The following PAK3 variants were observed in gnomAD, a reference collection of about 807,000 sequenced individuals.
PAK3 encodes serine/threonine-protein kinase PAK 3.
A neutral mutation model predicts 41.0 loss-of-function variants in PAK3; 4 were observed. That is an observed-to-expected ratio of 0.10 (90% CI 0.05 to 0.22). The LOEUF (loss-of-function observed/expected upper bound fraction) is 0.22, where lower values mean the gene tolerates loss of function less well. Ranked by LOEUF, PAK3 falls within the 10% of genes least tolerant of loss-of-function variation. The pLI, the probability that PAK3 is intolerant of heterozygous loss-of-function variation, is 1.00. For missense variants in PAK3, 205 were observed against 409.9 expected (o/e 0.50, Z 4.32); for synonymous variants, 146 against 139.6 (o/e 1.05, Z -0.32).
At chrX:110,953,304 G>A (rs1350236910) in intron 1 of PAK3, among the ~76,000 whole-genome samples, 2 of 111,531 alleles carry the variant, frequency 1.8e-5, no homozygotes, top group East Asian at 5.6e-4. Flanking sequence ...TTAATTAGTT[G>A]TGTGACCCTG....
In PAK3 at chrX:111,010,255, G is replaced by A. The variant is rs1215086040; in HGVS notation, c.-28+65627G>A. Reference sequence around the variant, plus strand: ...TCAGGAACTGACATCATGAATAATGGCTTCTTGGGATTATGTGAGAACCAC... The same window carrying A: ...TCAGGAACTGACATCATGAATAATGACTTCTTGGGATTATGTGAGAACCAC... On this transcript the variant is annotated intron_variant, in intron 1 of 14. Transcript: ENST00000425146. 6.3e-5 allele frequency among the ~76,000 whole-genome samples: 7 copies of A among 111,843 alleles called. 1 individual carries two copies. The highest frequency in any genetic ancestry group is 5.6e-5 in the Non-Finnish European group (3 of 53,130).
At chrX:111,002,743 T>C (rs1014832316) in intron 1 of PAK3, among the ~76,000 whole-genome samples, 2 of 111,659 alleles carry the variant, frequency 1.8e-5, no homozygotes, top group Admixed American at 9.5e-5. Flanking sequence ...CACACGGTTC[T>C]CTAGAGCCAG....
chrX:110,991,784 G>T (rs2091652986), intron 1 of PAK3, among the ~76,000 whole-genome samples: 1 of 111,105 alleles, frequency 9.0e-6, no homozygotes, highest in Admixed American at 9.6e-5. Flanking sequence ...GACTGCAGGA[G>T]ATGGCATGGA....
chrX:111,123,400 C>T (rs765999822), intron 5 of PAK3, 122 bp downstream of exon 5: 51 of 550,529 alleles, frequency 9.3e-5, no homozygotes, highest in Non-Finnish European at 1.3e-4. Context: ...TTTACATCTA[C>T]GTCTTCAGAG....
chrX:110,999,530 T>A (rs760695806), intron 1 of PAK3, among the ~76,000 whole-genome samples: 1 of 110,750 alleles, frequency 9.0e-6, no homozygotes, highest in East Asian at 2.8e-4. Context: ...TGCGGAGTTC[T>A]TCAGTGCTCA....
rs2094612355 is a variant in PAK3, at chrX:111,196,312, A to G, written c.1211-132A>G. ...TCAGGACCAGCTGAGACATCAGTTA[A>G]CAAAAAGGTATGAGCTAGGCAGTTG... On this transcript the variant is annotated intron_variant, in intron 15 of 17. Coordinates refer to ENST00000372007, the MANE Select transcript of PAK3 (RefSeq NM_002578.5). 5.6e-6 allele frequency: 3 copies of G among 536,213 alleles called. No homozygotes were observed. The Admixed American group carries it at 8.2e-5, about 15-fold the overall frequency. 44.2% of individuals were successfully genotyped at this position (536,213 alleles called of 1,213,427 possible).
At chrX:111,181,409 G>GATAT (rs1451414149) in intron 11 of PAK3, among the ~76,000 whole-genome samples, 3 of 111,268 alleles carry the variant, frequency 2.7e-5, no homozygotes, top group Non-Finnish European at 3.8e-5. Flanking sequence ...ATAGAATGAT[G>GATAT]ATATGTTCAA....
intron 1 of PAK3, among the ~76,000 whole-genome samples, chrX:110,956,916 C>A (rs1299558041): frequency 8.9e-6 from 1 of 111,782 alleles, no homozygotes; most frequent in Non-Finnish European, 1.9e-5. Context: ...GGAGGGCCTC[C>A]TCCCAGGGCA....
intron 16 of PAK3, among the ~76,000 whole-genome samples, chrX:111,203,533 G>A (rs1387881031): frequency 9.1e-6 from 1 of 110,247 alleles, no homozygotes; most frequent in Non-Finnish European, 1.9e-5. Context: ...GGGGAAAGGA[G>A]GACAGAAATC....
chrX:111,175,513 C>T (rs1047081173), intron 11 of PAK3, among the ~76,000 whole-genome samples: 47 of 111,080 alleles, frequency 4.2e-4, no homozygotes, highest in African/African-American at 1.5e-3. Flanking sequence ...TTCTAATAGG[C>T]AGTAATGCTC....
At chrX:111,045,838 G>A (rs187694089) in intron 1 of PAK3, among the ~76,000 whole-genome samples, 146 of 111,754 alleles carry the variant, frequency 1.3e-3, no homozygotes, top group African/African-American at 4.5e-3. Flanking sequence ...CTGTGGGTCA[G>A]TCAATAACCC....
Position 111,167,151 on chromosome X carries a change from G to A in PAK3, c.766+3424G>A, listed in dbSNP as rs1000726945. 2.7e-5 allele frequency among the ~76,000 whole-genome samples: 3 copies of A among 111,436 alleles called. No homozygotes were observed. In the Admixed American group the frequency reaches 2.9e-4, roughly 11 times the overall value. On this transcript the variant is annotated intron_variant, in intron 10 of 17. Transcript: ENST00000372007. Reference sequence around the variant, plus strand: ...CATATTTTTCAGCATAAAAATGGGGGTTTGGGGTCTTACAGTGTGACAGAA... The same window carrying A: ...CATATTTTTCAGCATAAAAATGGGGATTTGGGGTCTTACAGTGTGACAGAA...
intron 10 of PAK3, among the ~76,000 whole-genome samples, chrX:111,171,669 A>G (rs2094343057): frequency 8.9e-6 from 1 of 112,088 alleles, no homozygotes; most frequent in Non-Finnish European, 1.9e-5. Flanking sequence ...CTATAGAAAC[A>G]GAAAGTAGAT....
chrX:111,089,763 A>C (rs928099029), intron 1 of PAK3, among the ~76,000 whole-genome samples: 1 of 110,963 alleles, frequency 9.0e-6, no homozygotes. Context: ...TTACAGCTGG[A>C]GTGTGACAAT....
At chrX:111,069,144 G>A (rs1210959243) in intron 1 of PAK3, among the ~76,000 whole-genome samples, 1 of 111,968 alleles carries the variant, frequency 8.9e-6, no homozygotes, top group Non-Finnish European at 1.9e-5. Context: ...GGTCCACTTA[G>A]AGACATGTAG....
At chrX:110,967,802 A>G (rs1159348357) in intron 1 of PAK3, among the ~76,000 whole-genome samples, 1 of 111,984 alleles carries the variant, frequency 8.9e-6, no homozygotes, top group Non-Finnish European at 1.9e-5. Context: ...CCCAATGGTT[A>G]CATCTACATA....
chrX:111,143,071 A>G (rs1344350080), intron 6 of PAK3, among the ~76,000 whole-genome samples: 2 of 111,004 alleles, frequency 1.8e-5, no homozygotes, highest in African/African-American at 6.5e-5. Flanking sequence ...ACCTTTTCCC[A>G]TACTATTAGT....
intron 1 of PAK3, among the ~76,000 whole-genome samples, chrX:111,057,024 GT>G (rs2092610403): frequency 9.0e-6 from 1 of 111,196 alleles, no homozygotes; most frequent in Admixed American, 9.6e-5. Context: ...ATTTTTTCAA[GT>G]TTTTATTTTG....
At chrX:111,058,044 G>T (rs777678031) in intron 1 of PAK3, among the ~76,000 whole-genome samples, 2 of 112,193 alleles carry the variant, frequency 1.8e-5, no homozygotes, top group Admixed American at 9.4e-5. Context: ...ATATTCCATT[G>T]TATGGATATA....
Sources: gnomAD v4.1 joint callset for allele counts (sites outside exome capture counted in the v4.1 genomes callset) on GRCh38, gnomAD v4.1.1 for gene constraint, MANE v1.5 for transcripts, NCBI Gene and HGNC (gene_info 2026-07-23, HGNC 2026-07-21) for gene names.